IKZF4: variants seen among roughly 807,000 people sequenced by gnomAD.
The protein encoded by IKZF4 is zinc finger protein Eos.
IKZF4 carries 11 observed loss-of-function variants against 47.7 expected under a neutral mutation model. That is an observed-to-expected ratio of 0.23 (90% confidence interval 0.15 to 0.38). The LOEUF is 0.38. Ranked by LOEUF, IKZF4 falls within the 10% of genes least tolerant of loss-of-function variation. IKZF4 has a pLI of 1.00. For synonymous variants in IKZF4, 298 were observed against 299.4 expected, an observed-to-expected ratio of 1.00 and a Z score of 0.05; for missense variants, 557 against 784.9, an observed-to-expected ratio of 0.71 and a Z score of 3.47.
chr12:56,014,324 A>T (rs1891728929), intron 2 of IKZF4, among the ~76,000 whole-genome samples: 1 of 152,210 alleles, frequency 6.6e-6, no homozygotes, highest in South Asian at 2.1e-4. Context: ...CCAGCTCAGA[A>T]AACAACTCCT....
At position 56,035,488 on chromosome 12, in the gene IKZF4, C is replaced by T. The variant is rs560057095; in HGVS notation, c.*157C>T. The T allele has an allele frequency of 1.2e-4, 78 of 672,542 alleles. 2 individuals are homozygous for T. The highest frequency in any genetic ancestry group is 1.0e-3 in the South Asian group (52 of 52,216). 41.7% of individuals were successfully genotyped at this position (672,542 alleles called of 1,614,324 possible). A position where few individuals can be genotyped will look rare whatever the true frequency, so the allele number is the denominator to read the frequency against. On this transcript the variant is annotated 3_prime_UTR_variant, in exon 8 of 8. Transcript: ENST00000547167. The surrounding 1 kb of genome is among the most constrained non-coding windows in gnomAD (Gnocchi z 6.1). The stretch of plus-strand genomic sequence containing the variant: ...CTGACCCCTCCTCACCTATTCTCTT[C>T]CTCTATCCTGACCGATGTAAGCATT...
chr12:56,020,973 C>T, upstream of IKZF4: 8 of 1,029,364 alleles, frequency 7.8e-6, no homozygotes, highest in Non-Finnish European at 9.3e-6. Flanking sequence ...GAGGATTGGG[C>T]CTTCCCTAGG....
chr12:56,033,776 C>G (rs1895267036), intron 7 of IKZF4, among the ~76,000 whole-genome samples: 1 of 152,092 alleles, frequency 6.6e-6, no homozygotes, highest in South Asian at 2.1e-4. Context: ...AAAATCTATC[C>G]TCAGGACAGG....
At chr12:56,029,800 A>G (rs1358647385) in intron 5 of IKZF4, 1 of 152,202 alleles carries the variant, frequency 6.6e-6, no homozygotes, top group African/African-American at 2.4e-5. Flanking sequence ...CGGGTCACAT[A>G]GCTATTCTTC....
chr12:56,026,728 G>A (rs1894082673), intron 3 of IKZF4, 53 bp from the exon 4 acceptor site: 34 of 1,412,230 alleles, frequency 2.4e-5, no homozygotes, highest in Non-Finnish European at 3.0e-5. Flanking sequence ...TCTGGCCTGG[G>A]AGCAGCTTCC....
intron 3 of IKZF4, among the ~76,000 whole-genome samples, chr12:56,026,418 A>G (rs1474648101): frequency 6.6e-6 from 1 of 151,466 alleles, no homozygotes; most frequent in Non-Finnish European, 1.5e-5. Context: ...GGCCAGGCGC[A>G]GTGGCTCACA....
intron 1 of IKZF4, 92 bp from the exon 2 acceptor site, chr12:56,023,579 G>A: frequency 2.1e-6 from 3 of 1,443,056 alleles, no homozygotes; most frequent in Non-Finnish European, 2.8e-6. Context: ...GCTTTGACGG[G>A]ATAGAATGGG....
In IKZF4 at chr12:56,026,882, G is replaced by T. The variant is rs368382518; in HGVS notation, c.388G>T (p.Asp130Tyr). ...LEKDDSVIVE[D>Y]SLSEPLGYCD... ...AAAGGACGACAGCGTGATTGTGGAA[G>T]ATTCATTGTCTGAGCCCCTGGGCTA... Residue 130 changes from aspartate to tyrosine, a missense_variant, in exon 4 of 8, where the codon GAT (aspartate) becomes TAT (tyrosine). Around this residue, in one of 6 missense-constraint regions of IKZF4, gnomAD observed 112 missense variants for 168.2 expected, o/e 0.67. Coordinates refer to ENST00000547167, the MANE Select transcript of IKZF4 (RefSeq NM_022465.4). The T allele has an allele frequency of 1.9e-6, 3 of 1,613,594 alleles. No individual in the cohort carries two copies. Among genetic ancestry groups the T allele is most frequent in the Non-Finnish European group, 2.5e-6 (3 of 1,179,738 alleles).
chr12:56,013,181 A>G (rs1565808859), intron 2 of IKZF4, among the ~76,000 whole-genome samples: 1 of 151,968 alleles, frequency 6.6e-6, no homozygotes, highest in East Asian at 1.9e-4. Context: ...GCCATCACTG[A>G]GTGACGGTTA....
rs1895639465 is a variant in IKZF4 at position 56,036,438 on chromosome 12, C to T, written c.*1107C>T. On this transcript the variant is annotated 3_prime_UTR_variant, in exon 8 of 8. Transcript: ENST00000547167. Reference sequence around the variant, plus strand: ...ATGACAAGGGGTTGTTTCAGCCCCTCAGTCATGCTGCCTTCTGCTGCTCCC... The same window carrying T: ...ATGACAAGGGGTTGTTTCAGCCCCTTAGTCATGCTGCCTTCTGCTGCTCCC... 6.6e-6 allele frequency: 1 copy of T among 152,298 alleles called. No homozygotes were observed. The highest frequency in any genetic ancestry group is 2.4e-5 in the African/African-American group (1 of 41,462). The allele number at this position is 152,298 out of a possible 1,614,324, so 9.4% of individuals were successfully genotyped here.
intron 2 of IKZF4, among the ~76,000 whole-genome samples, chr12:56,014,777 CTCAAAA>C (rs1891794077): frequency 6.6e-6 from 1 of 151,398 alleles, no homozygotes; most frequent in Non-Finnish European, 1.5e-5. Flanking sequence ...GAGACTCCGT[CTCAAAA>C]AAAAAAACAA....
intron 2 of IKZF4, among the ~76,000 whole-genome samples, chr12:56,014,393 C>T (rs1334984805): frequency 6.6e-6 from 1 of 152,154 alleles, no homozygotes. Flanking sequence ...GAATGAGATA[C>T]ACTTCCTGAG....
rs1425218075 is a variant in IKZF4 at position 56,032,720 on chromosome 12, T to C, written c.865+10T>C. 1 of 1,613,944 alleles carries C rather than the reference T, an allele frequency of 6.2e-7. No individual in the cohort carries two copies. The highest frequency in any genetic ancestry group is 2.2e-5 in the East Asian group (1 of 44,886). ...TTGGCTGGCCAACCAGGTAGGGCTATTGATGTACTACTGGGGAGTTAAAAG... is the reference window on the plus strand; with the variant it reads ...TTGGCTGGCCAACCAGGTAGGGCTACTGATGTACTACTGGGGAGTTAAAAG... On this transcript the variant is annotated intron_variant, in intron 6 of 7. Coordinates refer to ENST00000547167, the MANE Select transcript of IKZF4 (RefSeq NM_022465.4).
intron 5 of IKZF4, among the ~76,000 whole-genome samples, chr12:56,030,634 CAGG>C (rs1430009801): frequency 6.6e-6 from 1 of 151,566 alleles, no homozygotes; most frequent in African/African-American, 2.4e-5. Flanking sequence ...GAGGCTGAGA[CAGG>C]AGAATTCCTT....
In IKZF4 at chr12:56,033,670, G is replaced by C. The variant is rs1043406045; in HGVS notation, c.997+349G>C. Among the ~76,000 whole-genome samples the C allele has an allele frequency of 2.6e-5, 4 of 152,108 alleles. No homozygotes were observed. The East Asian group carries it at 7.8e-4, about 30-fold the overall frequency. ...TGCAGTGAGCGGAGATCGCGCCACT[G>C]CACTCCATCCATCCTGGGCAACAGA... On this transcript the variant is annotated intron_variant, in intron 7 of 7. Transcript: ENST00000547167.
intron 5 of IKZF4, among the ~76,000 whole-genome samples, chr12:56,029,116 A>C (rs554461794): frequency 1.0e-3 from 156 of 152,222 alleles, no homozygotes; most frequent in Middle Eastern, 6.8e-3. Flanking sequence ...AATTGCAAAA[A>C]AGGGAGCCTA....
Position 56,034,668 on chromosome 12 carries a change from A to G in IKZF4, c.1095A>G (p.Leu365=), listed in dbSNP as rs537486091. The G allele has an allele frequency of 3.1e-6, 5 of 1,614,054 alleles. No individual in the cohort carries two copies. In the African/African-American group the frequency reaches 5.3e-5, roughly 17 times the overall value. Reference sequence around the variant, plus strand: ...TGGAGTTGGTGGCACACCACAGCCTAGAGCCTGGCTTTGGAAGTTCCCTGG... The same window carrying G: ...TGGAGTTGGTGGCACACCACAGCCTGGAGCCTGGCTTTGGAAGTTCCCTGG... ...KDVELVAHHS[L]EPGFGSSLAF... Residue 365 remains leucine, a synonymous_variant, in exon 8 of 8, where the codon CTA becomes CTG. Transcript: ENST00000547167.
Position 56,025,067 on chromosome 12 carries a change from A to G in IKZF4, c.195A>G (p.Ser65=), listed in dbSNP as rs200245072. Residue 65 remains serine (S), a synonymous_variant, in exon 3 of 8, where the codon TCA becomes TCG. Coordinates refer to ENST00000547167, the MANE Select transcript of IKZF4 (RefSeq NM_022465.4). The stretch of plus-strand genomic sequence containing the variant: ...CTCTCCTCCAAGGTAGCGGGGACTC[A>G]TCTCTGGAGAAGGAGTTCCTCGGGG... ...ESLFCESSGD[S]SLEKEFLGAP... The G allele has an allele frequency of 6.3e-7, 1 of 1,590,212 alleles. No homozygotes were observed. The highest frequency in any genetic ancestry group is 1.3e-5 in the African/African-American group (1 of 74,538).
intron 5 of IKZF4, 26 bp downstream of exon 5, chr12:56,027,973 G>T: frequency 6.5e-7 from 1 of 1,527,644 alleles, no homozygotes; most frequent in Non-Finnish European, 8.8e-7. Flanking sequence ...GTGGGAGGAG[G>T]GAATGAGGCT....
Sources: allele counts gnomAD v4.1 joint callset (sites outside exome capture counted in the v4.1 genomes callset), GRCh38; gene constraint gnomAD v4.1.1; regional missense constraint gnomAD v4.1.1; non-coding constraint Gnocchi (gnomAD v3.1); transcripts MANE v1.5; gene names NCBI Gene and HGNC (gene_info 2026-07-23, HGNC 2026-07-21).